DIP2C: variants seen among roughly 807,000 people sequenced by gnomAD.
The protein encoded by DIP2C is disco-interacting protein 2 homolog C.
DIP2C carries 33 observed loss-of-function variants against 192.4 expected under a neutral mutation model. That is an observed-to-expected ratio of 0.17 (90% CI 0.13 to 0.23). The LOEUF (loss-of-function observed/expected upper bound fraction) is 0.23, where lower values mean the gene tolerates loss of function less well. Among genes scored for constraint, DIP2C ranks in the 10% least tolerant of loss-of-function variants. The pLI, the probability that DIP2C is intolerant of heterozygous loss-of-function variation, is 1.00. For synonymous variants in DIP2C, 979 were observed against 864.1 expected, an observed-to-expected ratio of 1.13 and a Z score of -2.33; for missense variants, 1,537 against 2,110.1, an observed-to-expected ratio of 0.73 and a Z score of 5.32.
intron 1 of DIP2C, among the ~76,000 whole-genome samples, chr10:585,277 C>G (rs1376931954): frequency 6.6e-6 from 1 of 152,214 alleles, no homozygotes; most frequent in Non-Finnish European, 1.5e-5. Context: ...CCTGGGACAC[C>G]AGCGGGCATC....
intron 1 of DIP2C, among the ~76,000 whole-genome samples, chr10:632,399 G>A (rs1171058822): frequency 6.6e-6 from 1 of 150,380 alleles, no homozygotes; most frequent in Admixed American, 6.6e-5. Flanking sequence ...TGTGAACCCA[G>A]ACTCCACGGC....
chr10:427,092 G>A (rs941894740), intron 4 of DIP2C, among the ~76,000 whole-genome samples: 3 of 152,270 alleles, frequency 2.0e-5, no homozygotes, highest in East Asian at 3.9e-4. Context: ...AACAACACAC[G>A]TATCTATTAT....
chr10:676,756 G>C (rs551403184), intron 1 of DIP2C, among the ~76,000 whole-genome samples: 2 of 152,064 alleles, frequency 1.3e-5, no homozygotes, highest in Non-Finnish European at 2.9e-5. Context: ...ACCCTCTGAG[G>C]GTAGAATAGT....
At chr10:521,842 T>TA (rs1223027235) in intron 1 of DIP2C, among the ~76,000 whole-genome samples, 1 of 151,882 alleles carries the variant, frequency 6.6e-6, no homozygotes, top group Non-Finnish European at 1.5e-5. Context: ...TCCTCACGTA[T>TA]CTCCTTCCCC....
chr10:543,051 T>C (rs576397882), intron 1 of DIP2C, among the ~76,000 whole-genome samples: 21 of 152,254 alleles, frequency 1.4e-4, no homozygotes, highest in East Asian at 3.9e-4. Flanking sequence ...GTCAGAAACA[T>C]TGAGTGATGA....
chr10:287,263 A>G (rs929214567), intron 33 of DIP2C, among the ~76,000 whole-genome samples: 1 of 152,144 alleles, frequency 6.6e-6, no homozygotes, highest in African/African-American at 2.4e-5. Flanking sequence ...TTTCCTTCTT[A>G]AAGTTTACCT....
intron 7 of DIP2C, among the ~76,000 whole-genome samples, chr10:414,727 G>GTATATATATATATATA (rs1305381030): frequency 1.4e-5 from 1 of 70,360 alleles, no homozygotes. Context: ...GTGTGTGTGT[G>GTATATATATATATATA]TGTGTGTGTG....
chr10:348,670 T>C lies in DIP2C; in HGVS notation c.3202A>G (p.Thr1068Ala). 6.2e-7 allele frequency: 1 copy of C among 1,613,692 alleles called. No homozygotes were observed. Among genetic ancestry groups the C allele is most frequent in the Non-Finnish European group, 8.5e-7 (1 of 1,179,916 alleles). The change falls in exon 26 of 37, where the codon ACG (threonine) becomes GCG (alanine). Residue 1068 changes from threonine to alanine, a missense_variant. Physicochemically the swap from Thr to Ala is moderately conservative, Grantham distance 58 (BLOSUM62 0). Coordinates refer to ENST00000280886, the MANE Select transcript of DIP2C (RefSeq NM_014974.3). Reference protein sequence around the residue: ...RPPHPQNIATTLPTVKMIVEV... With the variant: ...RPPHPQNIATALPTVKMIVEV... ...ACAATCATCTTGACGGTAGGCAACG[T>C]CGTCGCGATGTTCTGTGGGTGCGGG...
At chr10:419,342 T>C (rs1589752562) in intron 5 of DIP2C, 143 bp from the exon 6 acceptor site, 3 of 1,167,716 alleles carry the variant, frequency 2.6e-6, no homozygotes, top group East Asian at 2.4e-5. Context: ...CTCAGCCGCA[T>C]CTGCCACACA....
intron 1 of DIP2C, among the ~76,000 whole-genome samples, chr10:648,176 C>T (rs1855595292): frequency 6.6e-6 from 1 of 150,566 alleles, no homozygotes; most frequent in African/African-American, 2.5e-5. Flanking sequence ...TGGGCAAGAA[C>T]AGAGGGAAAC....
chr10:319,834 G>T (rs141954428), intron 31 of DIP2C, among the ~76,000 whole-genome samples: 2 of 152,232 alleles, frequency 1.3e-5, no homozygotes, highest in African/African-American at 4.8e-5. Context: ...TCCTAGCTTT[G>T]TCAATTAGGA....
chr10:362,266 A>G (rs955213081), intron 22 of DIP2C, among the ~76,000 whole-genome samples: 8 of 152,206 alleles, frequency 5.3e-5, no homozygotes, highest in African/African-American at 1.7e-4. Context: ...GCTGACGACC[A>G]CACTAACACC....
At chr10:353,738 T>G (rs1274891383) in intron 24 of DIP2C, among the ~76,000 whole-genome samples, 2 of 152,190 alleles carry the variant, frequency 1.3e-5, no homozygotes, top group Non-Finnish European at 2.9e-5. Flanking sequence ...AAATTCATCA[T>G]CAGCAGAAAC....
chr10:372,682 G>T (rs1483825931), intron 17 of DIP2C, among the ~76,000 whole-genome samples: 1 of 149,346 alleles, frequency 6.7e-6, no homozygotes, highest in Non-Finnish European at 1.5e-5. Context: ...AGAAGCGCAG[G>T]AGGTCCCGAC....
Position 565,354 on chromosome 10 carries a change from T to TAAAATAAAAAAAA in DIP2C, c.86-78825_86-78824insTTTTTTTTATTTT, listed in dbSNP as rs376030794. Among the ~76,000 whole-genome samples, 274 of 114,054 alleles carry TAAAATAAAAAAAA rather than the reference T, an allele frequency of 2.4e-3. 3 individuals carry two copies. The highest frequency in any genetic ancestry group is 9.4e-3 in the Middle Eastern group (2 of 212). The allele number at this position is 114,054 out of a possible 152,430, so 74.8% of individuals were successfully genotyped here. On this transcript the variant is annotated intron_variant, in intron 1 of 36. Transcript: ENST00000280886. ...AAAATATGAAACAGTACCTGCATTC[T>TAAAATAAAAAAAA]AAAAAAAAAAAAAAAAAGACCTAGA... is the stretch of plus-strand genomic sequence containing the variant.
intron 1 of DIP2C, among the ~76,000 whole-genome samples, chr10:506,319 C>T (rs1012669787): frequency 4.6e-5 from 7 of 152,164 alleles, no homozygotes; most frequent in African/African-American, 1.4e-4. Context: ...AGCTGCATGA[C>T]ATCTTCTGAG....
At chr10:644,529 C>A (rs962918890) in intron 1 of DIP2C, among the ~76,000 whole-genome samples, 4 of 152,288 alleles carry the variant, frequency 2.6e-5, no homozygotes, top group Non-Finnish European at 5.9e-5. Flanking sequence ...CGCCGTAGAG[C>A]CACACGGGTT....
intron 4 of DIP2C, among the ~76,000 whole-genome samples, chr10:438,789 C>T (rs550074808): frequency 6.6e-6 from 1 of 152,092 alleles, no homozygotes; most frequent in African/African-American, 2.4e-5. Context: ...CCATGCCTGG[C>T]CTAATCATTT....
chr10:426,531 G>T (rs1165331280), intron 4 of DIP2C, among the ~76,000 whole-genome samples: 5 of 152,148 alleles, frequency 3.3e-5, no homozygotes, highest in Non-Finnish European at 7.4e-5. Context: ...AAATACAAAG[G>T]ACCTACAATA....
Sources: allele counts gnomAD v4.1 joint callset (sites outside exome capture counted in the v4.1 genomes callset), GRCh38; gene constraint gnomAD v4.1.1; transcripts MANE v1.5; gene names NCBI Gene and HGNC (gene_info 2026-07-23, HGNC 2026-07-21).